The following WWOX variants were observed in gnomAD, a reference collection of about 807,000 sequenced individuals.
WWOX encodes the protein WW domain-containing oxidoreductase.
Under a neutral mutation model 46.2 loss-of-function variants are expected in WWOX, and 69 were observed. The observed-to-expected ratio is 1.49, with a 90% CI of 1.23 to 1.82. The LOEUF (loss-of-function observed/expected upper bound fraction) is 1.82. Ranked by LOEUF, WWOX falls within the 40% of genes most tolerant of loss-of-function variation. The pLI is 0.00. For synonymous variants in WWOX, 359 were observed against 202.6 expected, an observed-to-expected ratio of 1.77 and a Z score of -6.56; for missense variants, 919 against 542.6, an observed-to-expected ratio of 1.69 and a Z score of -6.89.
intron 8 of WWOX, among the ~76,000 whole-genome samples, chr16:78,823,699 C>A (rs9928289): frequency 0.04 from 6,145 of 152,084 alleles, 436 homozygotes; most frequent in African/African-American, 0.14. Flanking sequence ...CCCGCCGAGC[C>A]TGAGCTGATA....
intron 5 of WWOX, among the ~76,000 whole-genome samples, chr16:78,251,362 T>C (rs1384101989): frequency 6.6e-6 from 1 of 152,218 alleles, no homozygotes; most frequent in Non-Finnish European, 1.5e-5. Flanking sequence ...GGCTTCGTCA[T>C]CTTCCCTAGG....
At chr16:79,114,632 G>A (rs1219142774) in intron 8 of WWOX, among the ~76,000 whole-genome samples, 2 of 152,110 alleles carry the variant, frequency 1.3e-5, no homozygotes, top group Non-Finnish European at 2.9e-5. Flanking sequence ...GACTCTTTGA[G>A]TTCCTGAATA....
At chr16:78,307,790 G>A (rs1204643780) in intron 5 of WWOX, among the ~76,000 whole-genome samples, 3 of 152,112 alleles carry the variant, frequency 2.0e-5, no homozygotes, top group Non-Finnish European at 2.9e-5. Flanking sequence ...GGGAGGTTTT[G>A]CAGATTGCTG....
chr16:78,893,095 C>A (rs958803816), intron 8 of WWOX, among the ~76,000 whole-genome samples: 1 of 152,068 alleles, frequency 6.6e-6, no homozygotes, highest in Non-Finnish European at 1.5e-5. Flanking sequence ...CATCTCCACC[C>A]TGCTGAGTAA....
chr16:78,995,222 C>G (rs542197770), intron 8 of WWOX, among the ~76,000 whole-genome samples: 1 of 151,998 alleles, frequency 6.6e-6, no homozygotes, highest in Non-Finnish European at 1.5e-5. Flanking sequence ...ATACGTGATT[C>G]CAAAGCCCAT....
At chr16:78,656,646 C>T (rs779709389) in intron 8 of WWOX, among the ~76,000 whole-genome samples, 3 of 152,154 alleles carry the variant, frequency 2.0e-5, no homozygotes, top group African/African-American at 7.2e-5. Flanking sequence ...CCACCGGGCC[C>T]CTCCTCCAAC....
intron 8 of WWOX, among the ~76,000 whole-genome samples, chr16:78,572,035 C>T (rs947105582): frequency 2.0e-5 from 3 of 152,084 alleles, no homozygotes; most frequent in South Asian, 2.1e-4. Context: ...TTTGGTATTA[C>T]GTAATAAAGT....
intron 8 of WWOX, among the ~76,000 whole-genome samples, chr16:78,847,283 C>G (rs1343794563): frequency 1.3e-5 from 2 of 152,118 alleles, no homozygotes; most frequent in Admixed American, 6.5e-5. Context: ...ATTATACAAA[C>G]CCATGCACAT....
chr16:78,182,408 C>T lies in WWOX; in HGVS notation c.516+18119C>T, dbSNP rs186909913. On this transcript the variant is annotated intron_variant, in intron 5 of 8. Transcript: ENST00000566780. ...AAACTCACTGCTGTTGCTAAACCTTCCTGTCTCTCTGCATCTTGGCACAGA... is the reference window on the plus strand; with the variant it reads ...AAACTCACTGCTGTTGCTAAACCTTTCTGTCTCTCTGCATCTTGGCACAGA... 3.9e-3 allele frequency among the ~76,000 whole-genome samples: 593 copies of T among 152,044 alleles called. 4 individuals are homozygous for T. The highest frequency in any genetic ancestry group is 6.8e-3 in the Middle Eastern group (2 of 294).
rs138692607 is a variant in WWOX, at chr16:78,372,709, G to C, written c.517-14151G>C. On this transcript the variant is annotated intron_variant, in intron 5 of 8. Coordinates refer to ENST00000566780, the MANE Select transcript of WWOX (RefSeq NM_016373.4). ...TTTTTAGCAGTTATAGGCTTTTAAG[G>C]TCAGATTAATCTTTATTTAATTTCT... Among the ~76,000 whole-genome samples, 743 of 152,216 alleles carry C rather than the reference G, an allele frequency of 4.9e-3. 7 individuals carry two copies. The highest frequency in any genetic ancestry group is 0.017 in the African/African-American group (710 of 41,538).
intron 8 of WWOX, among the ~76,000 whole-genome samples, chr16:78,851,633 G>A (rs1161699054): frequency 6.6e-6 from 1 of 152,206 alleles, no homozygotes; most frequent in Non-Finnish European, 1.5e-5. Context: ...GACAGTGTCA[G>A]ACACATAGAG....
chr16:78,659,114 A>C (rs914410504), intron 8 of WWOX, among the ~76,000 whole-genome samples: 3 of 137,722 alleles, frequency 2.2e-5, no homozygotes, highest in African/African-American at 6.2e-5. Context: ...ACAAACAAAC[A>C]AAAAAAAAAC....
chr16:78,884,548 G>C (rs897490155), intron 8 of WWOX, among the ~76,000 whole-genome samples: 1 of 152,136 alleles, frequency 6.6e-6, no homozygotes, highest in Non-Finnish European at 1.5e-5. Flanking sequence ...CAACAATGTG[G>C]ATTTATCTTA....
At chr16:78,514,982 G>C (rs1054396077) in intron 8 of WWOX, among the ~76,000 whole-genome samples, 5 of 152,096 alleles carry the variant, frequency 3.3e-5, no homozygotes, top group African/African-American at 1.2e-4. Flanking sequence ...CACTTGGGGA[G>C]GCCGAGGCAG....
Position 78,786,168 on chromosome 16 carries a change from C to T in WWOX, c.1056+353416C>T, listed in dbSNP as rs375768778. 4.6e-5 allele frequency among the ~76,000 whole-genome samples: 7 copies of T among 152,322 alleles called. No homozygotes were observed. In the East Asian group the frequency reaches 9.6e-4, roughly 21 times the overall value. On this transcript the variant is annotated intron_variant, in intron 8 of 8. Coordinates refer to ENST00000566780, the MANE Select transcript of WWOX (RefSeq NM_016373.4). ...CCGGTGATCTGCCTGTCTCCGCCTC[C>T]CAAAGTGCTGGGATTACAGGCGTGA...
chr16:78,852,202 G>A (rs1488321681), intron 8 of WWOX, among the ~76,000 whole-genome samples: 2 of 152,180 alleles, frequency 1.3e-5, no homozygotes. Flanking sequence ...GGTAGCCAGA[G>A]GTCAAGATGG....
intron 6 of WWOX, among the ~76,000 whole-genome samples, chr16:78,404,458 C>A (rs576575368): frequency 6.6e-6 from 1 of 152,014 alleles, no homozygotes; most frequent in African/African-American, 2.4e-5. Context: ...GAACCAATTC[C>A]CTCTTTAAAT....
rs374490298 is a variant in WWOX, at chr16:78,716,667, T to C, written c.1056+283915T>C. ...TCCTCTCACTGTGCTGCTCCTTGGG[T>C]GACATCACACCCAAGGAGAATCATG... is the stretch of plus-strand genomic sequence containing the variant. On this transcript the variant is annotated intron_variant, in intron 8 of 8. Transcript: ENST00000566780. Among the ~76,000 whole-genome samples the C allele has an allele frequency of 3.9e-5, 6 of 151,918 alleles. No homozygotes were observed. The East Asian group carries it at 9.7e-4, about 25-fold the overall frequency.
intron 8 of WWOX, among the ~76,000 whole-genome samples, chr16:78,516,139 G>A (rs57991969): frequency 0.014 from 2,066 of 152,186 alleles, 47 homozygotes; most frequent in African/African-American, 0.046. Context: ...CTTTCTTTCC[G>A]CAGTGCCCAG....
Sources: allele counts gnomAD v4.1 joint callset (sites outside exome capture counted in the v4.1 genomes callset), GRCh38; gene constraint gnomAD v4.1.1; transcripts MANE v1.5; gene names NCBI Gene and HGNC (gene_info 2026-07-23, HGNC 2026-07-21).